Variants in PCDHA1 observed in about 807,000 individuals in gnomAD.
PCDHA1 encodes protocadherin alpha 1.
Under a neutral mutation model 61.3 loss-of-function variants are expected in PCDHA1, and 42 were observed. That is an observed-to-expected ratio of 0.69 (90% CI 0.54 to 0.89). The LOEUF is 0.89. PCDHA1 is among the 40% of genes least tolerant of loss of function. The probability of loss-of-function intolerance (pLI) is 0.00; values close to 1 mark genes in which losing one functional copy is unlikely to be tolerated. For synonymous variants in PCDHA1, 610 were observed against 553.8 expected (o/e 1.10, Z -1.43); for missense variants, 1,256 against 1,235.3 (o/e 1.02, Z -0.25).
chr5:140,806,955 T>G, intron 1 of PCDHA1: 2 of 588,100 alleles, frequency 3.4e-6, no homozygotes, highest in Non-Finnish European at 3.0e-6. Flanking sequence ...TGTGTGGGGG[T>G]TTCCACAATT....
At chr5:140,865,535 T>C (rs2048909108) in intron 1 of PCDHA1, 3 of 152,192 alleles carry the variant, frequency 2.0e-5, no homozygotes, top group South Asian at 2.1e-4. Context: ...TCTTCATCCA[T>C]AGCTATAGGA....
rs1247026957 is a variant in PCDHA1, at chr5:140,805,577, G to T, written c.2394+16893G>T. On this transcript the variant is annotated intron_variant, in intron 1 of 3. Transcript: ENST00000504120. ...AGGAGGCAAGGAAAGTTTTTAAATG[G>T]CTACCATTATGTCTTTATATATTAA... The T allele has an allele frequency of 4.2e-6, 4 of 949,748 alleles. No individual in the cohort carries two copies. The African/African-American group carries it at 5.3e-5, about 13-fold the overall frequency. 58.8% of individuals were successfully genotyped at this position (949,748 alleles called of 1,614,324 possible). A position where few individuals can be genotyped will look rare whatever the true frequency, so the allele number is the denominator to read the frequency against.
At chr5:140,797,074 A>G (rs1762181001) in intron 1 of PCDHA1, 1 of 1,613,886 alleles carries the variant, frequency 6.2e-7, no homozygotes. Context: ...GATCATCGCC[A>G]TCTGCGCGGT....
rs2150369149 is a variant in PCDHA1 at position 140,844,155 on chromosome 5, T to C, written c.2394+55471T>C. On this transcript the variant is annotated intron_variant, in intron 1 of 3. Transcript: ENST00000504120. ...AATATGTTGTCTTTATATTTACTTTTATTCACTTTAAGATCTCGGTTTATT... is the reference window on the plus strand; with the variant it reads ...AATATGTTGTCTTTATATTTACTTTCATTCACTTTAAGATCTCGGTTTATT... 1.3e-4 allele frequency among the ~76,000 whole-genome samples: 20 copies of C among 149,790 alleles called. 2 individuals carry two copies. The highest frequency in any genetic ancestry group is 6.7e-4 in the Admixed American group (10 of 14,966).
At chr5:140,851,779 T>A in intron 1 of PCDHA1, 1 of 965,446 alleles carries the variant, frequency 1.0e-6, no homozygotes, top group South Asian at 4.8e-5. Flanking sequence ...TGAATTTAGA[T>A]GAGAATTCAC....
chr5:140,862,363 C>T, intron 1 of PCDHA1: 1 of 339,946 alleles, frequency 2.9e-6, no homozygotes, highest in Non-Finnish European at 5.8e-6. Context: ...GACAGACGAC[C>T]CGCACCCTGA....
intron 1 of PCDHA1, chr5:140,804,485 T>C (rs564918510): frequency 1.3e-5 from 2 of 152,244 alleles, no homozygotes; most frequent in Non-Finnish European, 2.9e-5. Flanking sequence ...ATCTTGAAAA[T>C]AATTATGGTA....
At position 140,857,548 on chromosome 5, in the gene PCDHA1, G is replaced by A. The variant is rs782667639; in HGVS notation, c.2394+68864G>A. On this transcript the variant is annotated intron_variant, in intron 1 of 3. Transcript: ENST00000504120. ...CTCTGGTGGAGCGGCGGTTGGGCGA[G>A]CGCTCGCTGTCGAGCTACGTGTCGG... The A allele has an allele frequency of 5.6e-6, 9 of 1,596,888 alleles. No individual in the cohort carries two copies. In the East Asian group the frequency reaches 1.8e-4, roughly 32 times the overall value.
At chr5:140,912,220 C>T (rs1360868463) in intron 1 of PCDHA1, among the ~76,000 whole-genome samples, 1 of 151,800 alleles carries the variant, frequency 6.6e-6, no homozygotes, top group African/African-American at 2.4e-5. Flanking sequence ...ATCTGCCTTT[C>T]CCAGTCCACT....
rs1422050863 is a variant in PCDHA1 at position 140,908,165 on chromosome 5, G to A, written c.2395-70784G>A. ...GTATGTCCTAGGAAGGGGCTGTAGT[G>A]CTGCAGCTGTCCACTTTCAGGTGGT... On this transcript the variant is annotated intron_variant, in intron 1 of 3. Coordinates refer to ENST00000504120, the MANE Select transcript of PCDHA1 (RefSeq NM_018900.4). 2.6e-5 allele frequency among the ~76,000 whole-genome samples: 4 copies of A among 152,222 alleles called. 1 individual carries two copies. The highest frequency in any genetic ancestry group is 5.9e-5 in the Non-Finnish European group (4 of 68,046).
At chr5:140,931,405 G>C (rs1395168165) in intron 1 of PCDHA1, among the ~76,000 whole-genome samples, 1 of 151,984 alleles carries the variant, frequency 6.6e-6, no homozygotes, top group South Asian at 2.1e-4. Flanking sequence ...CGATAGGAAG[G>C]CTGATGAATC....
chr5:140,923,189 C>T (rs1452451112), intron 1 of PCDHA1, among the ~76,000 whole-genome samples: 4 of 152,092 alleles, frequency 2.6e-5, no homozygotes, highest in Admixed American at 6.5e-5. Context: ...GCATCTACTG[C>T]AGCAATTTGG....
chr5:140,925,917 A>T (rs1480980894), intron 1 of PCDHA1, among the ~76,000 whole-genome samples: 1 of 151,098 alleles, frequency 6.6e-6, no homozygotes, highest in African/African-American at 2.5e-5. Context: ...CCGTTTGCAA[A>T]GCACTCCCAA....
intron 1 of PCDHA1, among the ~76,000 whole-genome samples, chr5:140,961,483 G>A (rs1365864551): frequency 6.6e-6 from 1 of 152,090 alleles, no homozygotes; most frequent in Non-Finnish European, 1.5e-5. Context: ...TCTTGTCCAC[G>A]TGAGTATATT....
At chr5:140,850,816 C>T (rs2150499386) in intron 1 of PCDHA1, 3 of 1,598,298 alleles carry the variant, frequency 1.9e-6, no homozygotes, top group Admixed American at 1.7e-5. Flanking sequence ...GCCTTCAGCC[C>T]GGGCCTTTCT....
intron 1 of PCDHA1, chr5:140,928,384 C>G (rs246074): frequency 0.52 from 841,304 of 1,613,674 alleles, 221,696 homozygotes; most frequent in African/African-American, 0.71. Flanking sequence ...CTCTAGCTTG[C>G]TGGCAGTGGA....
chr5:140,941,894 T>G (rs1398323055), intron 1 of PCDHA1, among the ~76,000 whole-genome samples: 2 of 152,230 alleles, frequency 1.3e-5, no homozygotes, highest in African/African-American at 4.8e-5. Context: ...AGCATCTAAG[T>G]AACATTGAAA....
At chr5:140,876,614 C>G in intron 1 of PCDHA1, 1 of 1,614,130 alleles carries the variant, frequency 6.2e-7, no homozygotes, top group Non-Finnish European at 8.5e-7. Flanking sequence ...GACTCTGGAG[C>G]CAATGGACAG....
intron 1 of PCDHA1, chr5:140,794,785 G>A: frequency 1.5e-6 from 1 of 670,514 alleles, no homozygotes; most frequent in Non-Finnish European, 2.5e-6. Context: ...CTTCCTTTTA[G>A]CCACATGATG....
Sources: gnomAD v4.1 joint callset for allele counts (sites outside exome capture counted in the v4.1 genomes callset) on GRCh38, gnomAD v4.1.1 for gene constraint, MANE v1.5 for transcripts, NCBI Gene and HGNC (gene_info 2026-07-23, HGNC 2026-07-21) for gene names.